The following WDR45B variants were observed in gnomAD, a reference collection of about 807,000 sequenced individuals.
WDR45B encodes WD repeat domain 45B.
WDR45B carries 20 observed loss-of-function variants against 44.6 expected under a neutral mutation model. The observed-to-expected ratio is 0.45, with a 90% confidence interval of 0.32 to 0.65. WDR45B has a LOEUF of 0.65. WDR45B is among the 30% of genes least tolerant of loss of function. WDR45B has a pLI of 0.05. For missense variants in WDR45B, 323 were observed against 430.2 expected (o/e 0.75, Z 2.20); for synonymous variants, 169 against 164.9 (o/e 1.02, Z -0.19).
intron 2 of WDR45B, among the ~76,000 whole-genome samples, chr17:82,639,679 C>A (rs889978819): frequency 7.0e-6 from 1 of 142,848 alleles, no homozygotes; most frequent in Non-Finnish European, 1.5e-5. Context: ...TCGGGTCTGG[C>A]GGGCTGCTGG....
chr17:82,626,525 C>CT (rs1171177235), intron 4 of WDR45B, among the ~76,000 whole-genome samples: 2 of 84,418 alleles, frequency 2.4e-5, no homozygotes, highest in Non-Finnish European at 3.9e-5. Flanking sequence ...GAGCAAGACT[C>CT]TATCTCCCAA....
intron 1 of WDR45B, 133 bp downstream of exon 1, chr17:82,648,141 G>C (rs2046005949): frequency 1.9e-6 from 2 of 1,060,720 alleles, no homozygotes; most frequent in Non-Finnish European, 1.3e-6. Context: ...CTTCGGAGGG[G>C]AGCTCGGGCG....
At chr17:82,631,277 A>ATTTTTTTTT (rs386386786) in intron 2 of WDR45B, among the ~76,000 whole-genome samples, 1 of 86,844 alleles carries the variant, frequency 1.2e-5, no homozygotes, top group Non-Finnish European at 2.1e-5. Context: ...TACAGGACTC[A>ATTTTTTTTT]TTTTTTTTTT....
At chr17:82,640,156 T>C (rs1000704279) in intron 2 of WDR45B, among the ~76,000 whole-genome samples, 5 of 152,022 alleles carry the variant, frequency 3.3e-5, no homozygotes, top group African/African-American at 1.2e-4. Flanking sequence ...AGAAGGCGTA[T>C]CTGGAAACAG....
At chr17:82,622,306 T>C (rs564343785) in intron 5 of WDR45B, among the ~76,000 whole-genome samples, 1 of 152,304 alleles carries the variant, frequency 6.6e-6, no homozygotes, top group African/African-American at 2.4e-5. Context: ...GGCTGGAAGA[T>C]TGGCTATTAC....
At chr17:82,625,269 G>T (rs2045679798) in intron 5 of WDR45B, 120 bp downstream of exon 5, 1 of 937,810 alleles carries the variant, frequency 1.1e-6, no homozygotes, top group Non-Finnish European at 1.7e-6. Context: ...GCCCCTCTGT[G>T]CTCAGGATTG....
intron 8 of WDR45B, 120 bp downstream of exon 8, chr17:82,617,176 T>C (rs1337752585): frequency 1.2e-6 from 1 of 847,312 alleles, no homozygotes; most frequent in Non-Finnish European, 2.0e-6. Flanking sequence ...TCAGCGCTGA[T>C]AGCATATGAG....
chr17:82,615,930 C>A lies in WDR45B; in HGVS notation c.1024G>T (p.Asp342Tyr). 6.2e-7 allele frequency: 1 copy of A among 1,613,512 alleles called. No homozygotes were observed. The highest frequency in any genetic ancestry group is 8.5e-7 in the Non-Finnish European group (1 of 1,179,880). Residue 342 changes from aspartate to tyrosine, a missense_variant, in exon 10 of 10, where the codon GAC (aspartate) becomes TAC (tyrosine). By Grantham distance (160) the Asp-to-Tyr change is radical. Transcript: ENST00000392325. ...VYAQFLEMTD[D>Y]KL The stretch of plus-strand genomic sequence containing the variant: ...GCCCCCAGCTGGAGTCACAGCTTGT[C>A]ATCGGTCATCTCTAGAAACTGCGCG...
rs780257377 is a variant in WDR45B, at chr17:82,617,264, G to A, written c.806+32C>T. 3.1e-6 allele frequency: 5 copies of A among 1,603,016 alleles called. No individual in the cohort carries two copies. The South Asian group carries it at 3.3e-5, about 11-fold the overall frequency. On this transcript the variant is annotated intron_variant, in intron 8 of 9. Coordinates refer to ENST00000392325, the MANE Select transcript of WDR45B (RefSeq NM_019613.4). ...ACACTGGGGACTCCTCTCATCCCCC[G>A]GCTTTTCCCCAGCAGGCATCCTAAC...
At position 82,648,430 on chromosome 17, in the gene WDR45B, G is replaced by C; in HGVS notation, c.-90C>G. ...GTCCCTTCGGGCCGGCGCTGAGGCC[G>C]CCGCGGCCGGAAGTGCCGGACGTAC... On this transcript the variant is annotated 5_prime_UTR_variant, in exon 1 of 10. Transcript: ENST00000392325. 2.0e-6 allele frequency: 3 copies of C among 1,492,148 alleles called. No individual in the cohort carries two copies. The highest frequency in any genetic ancestry group is 1.2e-5 in the South Asian group (1 of 82,980). 92.4% of individuals were successfully genotyped at this position (1,492,148 alleles called of 1,614,324 possible).
At position 82,614,625 on chromosome 17, in the gene WDR45B, T is replaced by A. The variant is rs2045506047; in HGVS notation, c.*1294A>T. 1 of 152,616 alleles carries A rather than the reference T, an allele frequency of 6.6e-6. No individual in the cohort carries two copies. The highest frequency in any genetic ancestry group is 1.5e-5 in the Non-Finnish European group (1 of 68,038). 9.5% of individuals were successfully genotyped at this position (152,616 alleles called of 1,614,324 possible). A position where few individuals can be genotyped will look rare whatever the true frequency, so the allele number is the denominator to read the frequency against. On this transcript the variant is annotated 3_prime_UTR_variant, in exon 10 of 10. Transcript: ENST00000392325. ...TTAAAAGAAACATTACAAATAAGTG[T>A]GCAAAATTAAACATCATGATTAAAT... is the stretch of plus-strand genomic sequence containing the variant.
In WDR45B at chr17:82,617,494, C is replaced by G. The variant is rs867032157; in HGVS notation, c.705-97G>C. 11 of 1,214,064 alleles carry G rather than the reference C, an allele frequency of 9.1e-6. 1 individual carries two copies. In the Middle Eastern group the frequency reaches 9.4e-4, roughly 104 times the overall value. The allele number at this position is 1,214,064 out of a possible 1,614,324, so 75.2% of individuals were successfully genotyped here. On this transcript the variant is annotated intron_variant, in intron 7 of 9. Transcript: ENST00000392325. ...TTGTCGACACTGTGGAACACCTCAA[C>G]ATTCCCACTCTGGAGGTGCCAATTC...
At chr17:82,623,771 A>C (rs2045652854) in intron 5 of WDR45B, among the ~76,000 whole-genome samples, 1 of 152,040 alleles carries the variant, frequency 6.6e-6, no homozygotes. Context: ...TGGGCAAAAC[A>C]TCTGGGGCAC....
rs748886109 is a variant in WDR45B at position 82,619,066 on chromosome 17, T to C, written c.681A>G (p.Gly227=). The C allele has an allele frequency of 2.5e-6, 4 of 1,614,182 alleles. No homozygotes were observed. The South Asian group carries it at 3.3e-5, about 13-fold the overall frequency. Residue 227 remains glycine, a synonymous_variant, in exon 7 of 10, where the codon GGA becomes GGG. Transcript: ENST00000392325. ...ACCAGTAAATATTGGCTGCTTGAGATCCTCTTCGCAGTTCCTGGATTAAAT... is the reference window on the plus strand; with the variant it reads ...ACCAGTAAATATTGGCTGCTTGAGACCCTCTTCGCAGTTCCTGGATTAAAT... ...SGHLIQELRR[G]SQAANIYCIN...
intron 5 of WDR45B, among the ~76,000 whole-genome samples, chr17:82,623,585 C>T (rs1451148209): frequency 6.6e-6 from 1 of 151,384 alleles, no homozygotes; most frequent in Non-Finnish European, 1.5e-5. Context: ...GTAGTCCCAG[C>T]TACTCAGGAG....
intron 6 of WDR45B, among the ~76,000 whole-genome samples, chr17:82,620,164 T>G (rs1287628014): frequency 6.6e-6 from 1 of 152,252 alleles, no homozygotes; most frequent in Non-Finnish European, 1.5e-5. Flanking sequence ...CTGGGTGCGG[T>G]GGCTCACGCC....
intron 2 of WDR45B, among the ~76,000 whole-genome samples, chr17:82,635,915 C>T (rs561747454): frequency 6.6e-6 from 1 of 151,826 alleles, no homozygotes; most frequent in South Asian, 2.1e-4. Flanking sequence ...TGGAAAACCC[C>T]CGTCTCTACT....
chr17:82,647,033 A>G (rs2045986884), intron 1 of WDR45B, among the ~76,000 whole-genome samples: 1 of 152,178 alleles, frequency 6.6e-6, no homozygotes, highest in African/African-American at 2.4e-5. Context: ...GATTGAGACC[A>G]GCCTGGCCAA....
Position 82,616,491 on chromosome 17 carries a change from G to GT in WDR45B, c.928+32dup, listed in dbSNP as rs774888552. The GT allele has an allele frequency of 3.1e-6, 5 of 1,612,658 alleles. No individual in the cohort carries two copies. The East Asian group carries it at 1.1e-4, about 36-fold the overall frequency. ...AGTGGATGGAGCCCAGGTGGGGCGG[G>GT]TGGGGACGTTCTCTCCAGGAAGGAC... On this transcript the variant is annotated intron_variant, in intron 9 of 9. Coordinates refer to ENST00000392325, the MANE Select transcript of WDR45B (RefSeq NM_019613.4).
Sources: gnomAD v4.1 joint callset for allele counts (sites outside exome capture counted in the v4.1 genomes callset) on GRCh38, gnomAD v4.1.1 for gene constraint, MANE v1.5 for transcripts, NCBI Gene and HGNC (gene_info 2026-07-23, HGNC 2026-07-21) for gene names.